Variants in ZNG1A observed in about 807,000 individuals in gnomAD.
ZNG1A encodes the protein zinc-regulated GTPase metalloprotein activator 1A.
At chr9:159,620 T>C in the ZNG1A span, among the ~76,000 whole-genome samples, 1 of 151,710 alleles carries the variant, frequency 6.6e-6, no homozygotes, top group Non-Finnish European at 1.5e-5. Flanking sequence ...AACACCACTG[T>C]AGACCTAACT....
the ZNG1A span, among the ~76,000 whole-genome samples, chr9:128,668 T>G: frequency 1.3e-5 from 2 of 150,424 alleles, 1 homozygote; most frequent in African/African-American, 5.0e-5. Context: ...AGTGAATTCT[T>G]TTTCAAGTAA....
the ZNG1A span, among the ~76,000 whole-genome samples, chr9:130,038 G>A: frequency 0.032 from 4,858 of 151,082 alleles, 150 homozygotes; most frequent in Middle Eastern, 0.072. Context: ...AAATAATAAC[G>A]CAATGGTAAG....
the ZNG1A span, chr9:148,741 G>C: frequency 6.7e-6 from 1 of 148,504 alleles, no homozygotes; most frequent in Non-Finnish European, 1.5e-5. Context: ...TCTTAAAAGA[G>C]AGGCTTTCAA....
chr9:173,944 G>A, the ZNG1A span, among the ~76,000 whole-genome samples: 10 of 152,092 alleles, frequency 6.6e-5, no homozygotes, highest in Middle Eastern at 3.4e-3. Context: ...TCAGGAGACC[G>A]AGACCATCCT....
chr9:163,556 A>G, the ZNG1A span, among the ~76,000 whole-genome samples: 2 of 152,194 alleles, frequency 1.3e-5, no homozygotes, highest in Non-Finnish European at 2.9e-5. Flanking sequence ...AAGAACAACA[A>G]TGCAAGGAAT....
the ZNG1A span, chr9:156,597 T>C: frequency 6.7e-7 from 1 of 1,491,986 alleles, no homozygotes; most frequent in East Asian, 2.3e-5. Flanking sequence ...ACAAAGGATT[T>C]TACTTTAGAG....
chr9:167,707 A>G, the ZNG1A span: 1 of 150,258 alleles, frequency 6.7e-6, no homozygotes, highest in Admixed American at 6.6e-5. Flanking sequence ...GCCAATTAAT[A>G]TCCTACAATG....
the ZNG1A span, among the ~76,000 whole-genome samples, chr9:139,990 C>T: frequency 8.0e-5 from 12 of 150,768 alleles, 2 homozygotes; most frequent in Non-Finnish European, 1.3e-4. Flanking sequence ...GATTATATCC[C>T]GCACCTGGCT....
At chr9:145,725 C>A in the ZNG1A span, among the ~76,000 whole-genome samples, 2 of 150,692 alleles carry the variant, frequency 1.3e-5, no homozygotes, top group Admixed American at 1.3e-4. Context: ...TTAAAAAAAA[C>A]TCAAGAAAAA....
At chr9:130,020 G>A in the ZNG1A span, among the ~76,000 whole-genome samples, 33 of 150,464 alleles carry the variant, frequency 2.2e-4, no homozygotes, top group Non-Finnish European at 4.4e-4. Flanking sequence ...GTACTGAACA[G>A]TGTATGGAAA....
chr9:174,260 A>T, the ZNG1A span, among the ~76,000 whole-genome samples: 1 of 152,096 alleles, frequency 6.6e-6, no homozygotes. Flanking sequence ...GAATTATTTT[A>T]AATGTTTTAC....
chr9:168,423 T>C, the ZNG1A span, among the ~76,000 whole-genome samples: 137 of 151,594 alleles, frequency 9.0e-4, 2 homozygotes, highest in African/African-American at 2.9e-3. Flanking sequence ...AGGCTAATTT[T>C]TGGTATTTTT....
the ZNG1A span, chr9:146,229 A>T: frequency 2.2e-5 from 34 of 1,579,884 alleles, no homozygotes; most frequent in Non-Finnish European, 2.7e-5. Flanking sequence ...AAGAAAAAAA[A>T]CTCTGACTTA....
At chr9:160,068 G>C in the ZNG1A span, 1 of 454,562 alleles carries the variant, frequency 2.2e-6, no homozygotes, top group East Asian at 6.9e-5. Context: ...GAACTGAAAA[G>C]AACAATGTCA....
At chr9:169,854 C>CTTTTTTTTT in the ZNG1A span, among the ~76,000 whole-genome samples, 462 of 53,918 alleles carry the variant, frequency 8.6e-3, no homozygotes, top group African/African-American at 0.015. Flanking sequence ...ATAAACACAG[C>CTTTTTTTTT]TTTTTTTTTT....
At chr9:155,942 C>T in the ZNG1A span, among the ~76,000 whole-genome samples, 3 of 146,598 alleles carry the variant, frequency 2.0e-5, no homozygotes, top group African/African-American at 7.7e-5. Context: ...CCCATCTCTA[C>T]TAAAAAAAAT....
chr9:165,457 G>A, the ZNG1A span, among the ~76,000 whole-genome samples: 1 of 137,174 alleles, frequency 7.3e-6, no homozygotes, highest in East Asian at 2.0e-4. Context: ...CAGACTACAT[G>A]AGAAAGATCT....
At chr9:163,893 T>G in the ZNG1A span, 7,917 of 1,291,754 alleles carry the variant, frequency 6.1e-3, 403 homozygotes, top group African/African-American at 0.11. Context: ...CTCCATGCAC[T>G]CCAGTCTGGG....
chr9:170,412 G>A, the ZNG1A span, among the ~76,000 whole-genome samples: 4 of 146,878 alleles, frequency 2.7e-5, no homozygotes, highest in African/African-American at 1.1e-4. Flanking sequence ...TGTGTGTACA[G>A]TCTTGCTCTG....
Sources: allele counts gnomAD v4.1 joint callset (sites outside exome capture counted in the v4.1 genomes callset), GRCh38; gene constraint gnomAD v4.1.1; transcripts MANE v1.5; gene names NCBI Gene and HGNC (gene_info 2026-07-23, HGNC 2026-07-21).